The following MIER3 variants were observed in gnomAD, a reference collection of about 807,000 sequenced individuals.
The protein encoded by MIER3 is mesoderm induction early response protein 3.
MIER3 carries 9 observed loss-of-function variants against 63.2 expected under a neutral mutation model. The observed-to-expected ratio is 0.14, with a 90% CI of 0.09 to 0.25. MIER3 has a LOEUF of 0.25. Ranked by LOEUF, MIER3 falls within the 10% of genes least tolerant of loss-of-function variation. MIER3 has a pLI of 1.00. For missense variants in MIER3, 512 were observed against 666.2 expected, an observed-to-expected ratio of 0.77 and a Z score of 2.55; for synonymous variants, 205 against 224.9, an observed-to-expected ratio of 0.91 and a Z score of 0.79.
Position 56,920,320 on chromosome 5 carries a change from C to T in MIER3, c.*2808G>A, listed in dbSNP as rs2112049313. On this transcript the variant is annotated 3_prime_UTR_variant, in exon 13 of 13. Coordinates refer to ENST00000381199, the MANE Select transcript of MIER3 (RefSeq NM_001297599.2). Reference sequence around the variant, plus strand: ...AACAAATGTATTGCTATAATCACAGCACCAGTTACACTTCTAAATGAATCC... The same window carrying T: ...AACAAATGTATTGCTATAATCACAGTACCAGTTACACTTCTAAATGAATCC... The T allele has an allele frequency of 6.6e-6, 1 of 152,580 alleles. No homozygotes were observed. The highest frequency in any genetic ancestry group is 3.4e-3 in the Middle Eastern group (1 of 294). 9.5% of individuals were successfully genotyped at this position (152,580 alleles called of 1,614,324 possible). A position where few individuals can be genotyped will look rare whatever the true frequency, so the allele number is the denominator to read the frequency against.
At chr5:56,947,237 G>C in intron 2 of MIER3, 166 bp from the exon 3 acceptor site, 1 of 643,384 alleles carries the variant, frequency 1.6e-6, no homozygotes, top group Non-Finnish European at 2.4e-6. Context: ...CCATGATTCT[G>C]AAAATATGTC....
Position 56,930,650 on chromosome 5 carries a change from CAA to C in MIER3, c.829+12_829+13del, listed in dbSNP as rs1379201415. On this transcript the variant is annotated intron_variant, in intron 9 of 12. Coordinates refer to ENST00000381199, the MANE Select transcript of MIER3 (RefSeq NM_001297599.2). ...CCCTGTCATGTCCCTCTCTTAAACCCAAGTGTTTCTTACCTTGAGAGGCCTTT... is the reference window on the plus strand; with the variant it reads ...CCCTGTCATGTCCCTCTCTTAAACCCGTGTTTCTTACCTTGAGAGGCCTTT... 1.2e-6 allele frequency: 2 copies of C among 1,610,958 alleles called. No homozygotes were observed. Among genetic ancestry groups the C allele is most frequent in the Non-Finnish European group, 1.7e-6 (2 of 1,177,216 alleles).
At chr5:56,944,459 C>T (rs190729484) in intron 3 of MIER3, among the ~76,000 whole-genome samples, 12 of 151,180 alleles carry the variant, frequency 7.9e-5, no homozygotes, top group Admixed American at 2.6e-4. Context: ...CCAGCCTGGG[C>T]GACAGAGCGA....
At chr5:56,931,122 T>C (rs1040581434) in intron 8 of MIER3, among the ~76,000 whole-genome samples, 9 of 152,362 alleles carry the variant, frequency 5.9e-5, no homozygotes, top group African/African-American at 2.2e-4. Flanking sequence ...ATTTCCTCCC[T>C]GTCTCTTTTA....
chr5:56,952,148 G>A, upstream of MIER3: 1 of 1,207,514 alleles, frequency 8.3e-7, no homozygotes, highest in Non-Finnish European at 1.0e-6. Flanking sequence ...CCAGTCCCCG[G>A]ATGGGGCGCC....
intron 3 of MIER3, chr5:56,941,612 GA>G (rs1750649045): frequency 6.6e-6 from 1 of 152,378 alleles, no homozygotes; most frequent in African/African-American, 2.4e-5. Flanking sequence ...CAAGAGAATG[GA>G]AAGAGAGGCA....
intron 6 of MIER3, 70 bp from the exon 7 acceptor site, chr5:56,935,570 A>G: frequency 6.7e-7 from 1 of 1,501,250 alleles, no homozygotes; most frequent in Non-Finnish European, 9.1e-7. Context: ...CCATATCATT[A>G]ATCAGTTTCT....
At chr5:56,923,881 A>G in intron 11 of MIER3, 34 bp downstream of exon 11, 1 of 1,613,940 alleles carries the variant, frequency 6.2e-7, no homozygotes, top group East Asian at 2.2e-5. Context: ...TACAGTTAAA[A>G]GTAAGTCTTT....
At chr5:56,944,557 C>T (rs1750762900) in intron 3 of MIER3, among the ~76,000 whole-genome samples, 1 of 152,080 alleles carries the variant, frequency 6.6e-6, no homozygotes, top group Non-Finnish European at 1.5e-5. Context: ...TGCCAGTATT[C>T]ATCTGACACA....
In MIER3 at chr5:56,952,114, T is replaced by A; in HGVS notation, c.-12A>T. ...CTCACCTCCGCCATATTGGTACCTTTAGGGCGAACGAGCAGCGCCGAGCCC... is the reference window on the plus strand; with the variant it reads ...CTCACCTCCGCCATATTGGTACCTTAAGGGCGAACGAGCAGCGCCGAGCCC... On this transcript the variant is annotated 5_prime_UTR_variant, in exon 1 of 13. Transcript: ENST00000381199. 2 of 1,264,358 alleles carry A rather than the reference T, an allele frequency of 1.6e-6. No individual in the cohort carries two copies. Among genetic ancestry groups the A allele is most frequent in the Non-Finnish European group, 2.0e-6 (2 of 985,464 alleles). The allele number at this position is 1,264,358 out of a possible 1,614,324, so 78.3% of individuals were successfully genotyped here. A position where few individuals can be genotyped will look rare whatever the true frequency, so the allele number is the denominator to read the frequency against.
intron 3 of MIER3, among the ~76,000 whole-genome samples, chr5:56,943,395 C>G (rs1224871293): frequency 3.3e-5 from 5 of 150,704 alleles, no homozygotes; most frequent in African/African-American, 1.2e-4. Flanking sequence ...TAGAGGTTAG[C>G]CTGGGATATC....
rs1045290694 is a variant in MIER3 at position 56,928,651 on chromosome 5, A to T, written c.924+116T>A. The T allele has an allele frequency of 6.9e-5, 35 of 504,992 alleles. No individual in the cohort carries two copies. The African/African-American group carries it at 9.7e-4, about 14-fold the overall frequency. 31.3% of individuals were successfully genotyped at this position (504,992 alleles called of 1,614,324 possible). ...TTAGTCATGTTAGAATGATATCTGA[A>T]ATGCTATAAGGGAACATTAGTAAGT... On this transcript the variant is annotated intron_variant, in intron 10 of 12. Transcript: ENST00000381199.
intron 3 of MIER3, among the ~76,000 whole-genome samples, chr5:56,940,478 GGCCTT>G (rs1228880693): frequency 6.6e-6 from 1 of 152,206 alleles, no homozygotes; most frequent in Non-Finnish European, 1.5e-5. Flanking sequence ...GCAAAAGTTT[GGCCTT>G]CACCTTTGCA....
chr5:56,936,831 AAACATT>A (rs1750463634), intron 5 of MIER3: 1 of 152,204 alleles, frequency 6.6e-6, no homozygotes, highest in Non-Finnish European at 1.5e-5. Context: ...TATTACTGAT[AAACATT>A]AAGAGGTAAC....
chr5:56,924,076 A>C (rs1230084506), intron 10 of MIER3, 34 bp from the exon 11 acceptor site: 16 of 1,587,946 alleles, frequency 1.0e-5, no homozygotes, highest in Admixed American at 5.6e-5. Flanking sequence ...AAAAACCAAC[A>C]AACTCAACCA....
At position 56,930,996 on chromosome 5, in the gene MIER3, A is replaced by C. The variant is rs1015384650; in HGVS notation, c.748-251T>G. On this transcript the variant is annotated intron_variant, in intron 8 of 12. Coordinates refer to ENST00000381199, the MANE Select transcript of MIER3 (RefSeq NM_001297599.2). ...AAGTCACCTGCCTGTATCATTCTTG[A>C]CTTTTTTTTAAAAACAAACAAATAA... is the stretch of plus-strand genomic sequence containing the variant. Among the ~76,000 whole-genome samples, 9 of 56,384 alleles carry C rather than the reference A, an allele frequency of 1.6e-4. No individual in the cohort carries two copies. The East Asian group carries it at 2.8e-3, about 18-fold the overall frequency. 37.0% of individuals were successfully genotyped at this position (56,384 alleles called of 152,430 possible).
chr5:56,925,372 CA>C (rs1372443085), intron 10 of MIER3: 1 of 451,658 alleles, frequency 2.2e-6, no homozygotes, highest in Non-Finnish European at 4.4e-6. Flanking sequence ...AAAGAATCAA[CA>C]AAAAATCGCC....
At position 56,920,309 on chromosome 5, in the gene MIER3, T is replaced by C. The variant is rs1749608352; in HGVS notation, c.*2819A>G. The C allele has an allele frequency of 6.6e-6, 1 of 152,588 alleles. No homozygotes were observed. Among genetic ancestry groups the C allele is most frequent in the African/African-American group, 2.4e-5 (1 of 41,470 alleles). 9.5% of individuals were successfully genotyped at this position (152,588 alleles called of 1,614,324 possible). A position where few individuals can be genotyped will look rare whatever the true frequency, so the allele number is the denominator to read the frequency against. On this transcript the variant is annotated 3_prime_UTR_variant, in exon 13 of 13. Transcript: ENST00000381199. ...GAAGTACAACTAACAAATGTATTGC[T>C]ATAATCACAGCACCAGTTACACTTC...
intron 3 of MIER3, among the ~76,000 whole-genome samples, chr5:56,943,198 C>T (rs771097629): frequency 1.3e-5 from 2 of 151,960 alleles, no homozygotes; most frequent in African/African-American, 4.8e-5. Context: ...AAGCTAAAGA[C>T]TGAACGGGAG....
Sources: allele counts gnomAD v4.1 joint callset (sites outside exome capture counted in the v4.1 genomes callset), GRCh38; gene constraint gnomAD v4.1.1; transcripts MANE v1.5; gene names NCBI Gene and HGNC (gene_info 2026-07-23, HGNC 2026-07-21).